Variants in ZNF611 observed in about 807,000 individuals in gnomAD.
ZNF611 encodes zinc finger protein 611.
ZNF611 carries 6 observed loss-of-function variants against 8.9 expected under a neutral mutation model. The ratio of observed to expected loss-of-function variants is 0.68; its 90% confidence interval spans 0.37 to 1.34. The LOEUF (loss-of-function observed/expected upper bound fraction) is 1.34, where lower values mean the gene tolerates loss of function less well. ZNF611 is among the 40% of genes most tolerant of loss of function. The pLI, the probability that ZNF611 is intolerant of heterozygous loss-of-function variation, is 0.02. For missense variants in ZNF611, 874 were observed against 841.3 expected (o/e 1.04, Z -0.48); for synonymous variants, 262 against 279.7 (o/e 0.94, Z 0.63).
rs1018018272 is a variant in ZNF611, at chr19:52,711,637, G to A, written c.190+2378C>T. 2.0e-5 allele frequency among the ~76,000 whole-genome samples: 3 copies of A among 152,180 alleles called. 1 individual carries two copies. The highest frequency in any genetic ancestry group is 4.4e-5 in the Non-Finnish European group (3 of 68,038). On this transcript the variant is annotated intron_variant, in intron 5 of 5. Coordinates refer to ENST00000652185, the MANE Select transcript of ZNF611 (RefSeq NM_001161499.2). Reference sequence around the variant, plus strand: ...TGGGACACAAGCGCTGAGCTGCGCTGCTGACAGTGGTTCTGAAGCCATCCC... The same window carrying A: ...TGGGACACAAGCGCTGAGCTGCGCTACTGACAGTGGTTCTGAAGCCATCCC...
At chr19:52,725,749 T>C (rs565142149) in intron 3 of ZNF611, among the ~76,000 whole-genome samples, 24 of 152,280 alleles carry the variant, frequency 1.6e-4, no homozygotes, top group South Asian at 1.0e-3. Flanking sequence ...TTACTCCACG[T>C]GATCCACTTC....
Position 52,706,496 on chromosome 19 carries a change from C to A in ZNF611, c.559G>T (p.Ala187Ser), listed in dbSNP as rs2062246189. Residue 187 changes from alanine to serine, a missense_variant, in exon 6 of 6, where the codon GCT becomes TCT. By Grantham distance (99) the Ala-to-Ser change is moderately conservative. Transcript: ENST00000652185. ...GNQLEKSTND[A>S]PSVSTFQRIS... Reference sequence around the variant, plus strand: ...CTTTGGAATGTTGAAACTGAGGGAGCATCATTAGTAGACTTCTCAAGTTGA... The same window carrying A: ...CTTTGGAATGTTGAAACTGAGGGAGAATCATTAGTAGACTTCTCAAGTTGA... 1 of 1,614,092 alleles carries A rather than the reference C, an allele frequency of 6.2e-7. No homozygotes were observed. Among genetic ancestry groups the A allele is most frequent in the East Asian group, 2.2e-5 (1 of 44,868 alleles).
At chr19:52,713,773 A>C (rs1189558888) in intron 5 of ZNF611, among the ~76,000 whole-genome samples, 1 of 151,876 alleles carries the variant, frequency 6.6e-6, no homozygotes, top group East Asian at 1.9e-4. Flanking sequence ...TGCCTATAAT[A>C]ACAGCTACTC....
chr19:52,707,156 T>C (rs1201486147), intron 5 of ZNF611, among the ~76,000 whole-genome samples: 2 of 151,106 alleles, frequency 1.3e-5, no homozygotes, highest in Non-Finnish European at 2.9e-5. Context: ...CTGAACTGTA[T>C]CACAATTTGC....
rs1050022198 is a variant in ZNF611, at chr19:52,732,935, T to C, written c.-222+2066A>G. The stretch of plus-strand genomic sequence containing the variant: ...CGCCACTGCACACCAGCCTGGGTGA[T>C]AGAGTCAGACCCTGTCTCAAAATAT... On this transcript the variant is annotated intron_variant, in intron 1 of 5. Transcript: ENST00000652185. Among the ~76,000 whole-genome samples, 7 of 151,160 alleles carry C rather than the reference T, an allele frequency of 4.6e-5. No individual in the cohort carries two copies. In the South Asian group the frequency reaches 8.4e-4, roughly 18 times the overall value.
intron 1 of ZNF611, among the ~76,000 whole-genome samples, chr19:52,733,543 C>T (rs915840017): frequency 6.4e-5 from 4 of 62,130 alleles, no homozygotes; most frequent in African/African-American, 2.0e-4. Flanking sequence ...CTCAAGCAAT[C>T]CCCTTGCCTC....
At chr19:52,726,114 T>C (rs1009406144) in intron 3 of ZNF611, among the ~76,000 whole-genome samples, 2 of 152,204 alleles carry the variant, frequency 1.3e-5, no homozygotes, top group Admixed American at 6.5e-5. Flanking sequence ...TCCCTTTCTA[T>C]TCTCCATTCA....
At chr19:52,707,477 T>A (rs183107492) in intron 5 of ZNF611, 1 of 149,128 alleles carries the variant, frequency 6.7e-6, no homozygotes, top group Non-Finnish European at 1.5e-5. Context: ...ACCTGGGAGG[T>A]AGAGGTTGCA....
chr19:52,733,781 A>G (rs1279459445), intron 1 of ZNF611, among the ~76,000 whole-genome samples: 1 of 147,612 alleles, frequency 6.8e-6, no homozygotes, highest in African/African-American at 2.5e-5. Flanking sequence ...CTTCTCTTCC[A>G]CCTCTTCTCC....
chr19:52,721,810 A>G (rs2062362086), intron 3 of ZNF611, among the ~76,000 whole-genome samples: 1 of 151,918 alleles, frequency 6.6e-6, no homozygotes, highest in African/African-American at 2.4e-5. Context: ...TGTTGCCCAC[A>G]CTGAAGTGCA....
chr19:52,729,372 A>T (rs779075489), intron 2 of ZNF611, among the ~76,000 whole-genome samples: 9 of 151,922 alleles, frequency 5.9e-5, no homozygotes, highest in Non-Finnish European at 1.2e-4. Context: ...TTGCGCCTGC[A>T]GTCCCAGCTA....
chr19:52,734,686 G>C (rs936014344), intron 1 of ZNF611, among the ~76,000 whole-genome samples: 1 of 152,238 alleles, frequency 6.6e-6, no homozygotes, highest in Admixed American at 6.5e-5. Flanking sequence ...CCCTGGGCAA[G>C]AATCCACATC....
rs111304051 is a variant in ZNF611, at chr19:52,713,920, T to C, written c.190+95A>G. On this transcript the variant is annotated intron_variant, in intron 5 of 5. Coordinates refer to ENST00000652185, the MANE Select transcript of ZNF611 (RefSeq NM_001161499.2). ...AACAAAAAACAAAAAACAAAACCCA[T>C]GTATGGGGCAAAATCACAAAAGAGG... 1.5e-3 allele frequency: 2,423 copies of C among 1,577,126 alleles called. 30 individuals are homozygous for C. The African/African-American group carries it at 0.03, about 19-fold the overall frequency.
intron 5 of ZNF611, chr19:52,707,653 T>C (rs1454316625): frequency 2.0e-5 from 3 of 152,142 alleles, no homozygotes; most frequent in Non-Finnish European, 4.4e-5. Flanking sequence ...TATTTTTATT[T>C]TTTTGAGATG....
intron 3 of ZNF611, chr19:52,717,774 T>C: frequency 3.6e-6 from 3 of 828,916 alleles, no homozygotes; most frequent in Non-Finnish European, 4.4e-6. Context: ...TCAGATGATA[T>C]GAGGAAAGAA....
rs200202156 is a variant in ZNF611 at position 52,706,097 on chromosome 19, A to T, written c.958T>A (p.Cys320Ser). 2 of 1,614,034 alleles carry T rather than the reference A, an allele frequency of 1.2e-6. No individual in the cohort carries two copies. Among genetic ancestry groups the T allele is most frequent in the East Asian group, 2.2e-5 (1 of 44,852 alleles). ...TGVKRYNCNE[C>S]GKIFGQNSAL... The stretch of plus-strand genomic sequence containing the variant: ...GAATTTTGACCAAAGATCTTGCCAC[A>T]CTCATTACAATTGTAACGTTTTACT... Residue 320 changes from cysteine to serine, a missense_variant, in exon 6 of 6, where the codon TGT becomes AGT. Transcript: ENST00000652185.
chr19:52,725,875 G>A (rs2062389340), intron 3 of ZNF611, among the ~76,000 whole-genome samples: 1 of 151,876 alleles, frequency 6.6e-6, no homozygotes, highest in East Asian at 2.0e-4. Context: ...CTTTAGAACA[G>A]GCAAAGGGCG....
chr19:52,718,722 C>G (rs1455468510), intron 3 of ZNF611, among the ~76,000 whole-genome samples: 1 of 151,966 alleles, frequency 6.6e-6, no homozygotes, highest in Non-Finnish European at 1.5e-5. Context: ...CACTTGAACT[C>G]CAGAGGCGAA....
At position 52,717,032 on chromosome 19, in the gene ZNF611, C is replaced by CA. The variant is rs1012014951; in HGVS notation, c.-19-1120dup. Among the ~76,000 whole-genome samples the CA allele has an allele frequency of 6.9e-3, 943 of 136,910 alleles. 7 individuals are homozygous for CA. The highest frequency in any genetic ancestry group is 0.021 in the African/African-American group (792 of 37,410). The allele number at this position is 136,910 out of a possible 152,430, so 89.8% of individuals were successfully genotyped here. ...TGGGGGACAAAACGAGACTTCATCT[C>CA]AAAAAAAAAAAAGGAAACTCAAAAG... On this transcript the variant is annotated intron_variant, in intron 3 of 5. Transcript: ENST00000652185.
Sources: gnomAD v4.1 joint callset for allele counts (sites outside exome capture counted in the v4.1 genomes callset) on GRCh38, gnomAD v4.1.1 for gene constraint, MANE v1.5 for transcripts, NCBI Gene and HGNC (gene_info 2026-07-23, HGNC 2026-07-21) for gene names.